Variants in GFPT1 observed in about 807,000 individuals in gnomAD.
GFPT1 encodes glutamine--fructose-6-phosphate transaminase 1, also known as glutamine--fructose-6-phosphate aminotransferase [isomerizing] 1.
GFPT1 carries 40 observed loss-of-function variants against 92.0 expected under a neutral mutation model. The ratio of observed to expected loss-of-function variants is 0.43; its 90% CI spans 0.34 to 0.57. The LOEUF is 0.57. Ranked by LOEUF, GFPT1 falls within the 20% of genes least tolerant of loss-of-function variation. The pLI is 0.02. For missense variants in GFPT1, 448 were observed against 869.1 expected, an observed-to-expected ratio of 0.52 and a Z score of 6.09; for synonymous variants, 269 against 280.6, an observed-to-expected ratio of 0.96 and a Z score of 0.41.
rs1399117836 is a variant in GFPT1, at chr2:69,325,492, T to C, written c.*697A>G. On this transcript the variant is annotated 3_prime_UTR_variant, in exon 20 of 20. Transcript: ENST00000357308. ...TGTCAGTTGTCCAAAGCAGCTTGAATTTAAAGTTTGTGCTATAAAATTGTG... is the reference window on the plus strand; with the variant it reads ...TGTCAGTTGTCCAAAGCAGCTTGAACTTAAAGTTTGTGCTATAAAATTGTG... The C allele has an allele frequency of 6.6e-6, 1 of 152,176 alleles. No individual in the cohort carries two copies. The highest frequency in any genetic ancestry group is 1.5e-5 in the Non-Finnish European group (1 of 68,014). The allele number at this position is 152,176 out of a possible 1,614,324, so 9.4% of individuals were successfully genotyped here.
At chr2:69,339,866 T>C (rs1453868275) in intron 13 of GFPT1, among the ~76,000 whole-genome samples, 2 of 152,100 alleles carry the variant, frequency 1.3e-5, no homozygotes, top group Non-Finnish European at 2.9e-5. Context: ...TTTATTATTC[T>C]TTTCCATTAA....
At chr2:69,327,950 T>G (rs1275000164) in intron 18 of GFPT1, among the ~76,000 whole-genome samples, 1 of 151,794 alleles carries the variant, frequency 6.6e-6, no homozygotes, top group African/African-American at 2.4e-5. Flanking sequence ...AAATACAAAA[T>G]TAGCCAGGCG....
At chr2:69,371,459 C>T (rs2104682918) in intron 2 of GFPT1, 1 of 152,090 alleles carries the variant, frequency 6.6e-6, no homozygotes, top group Non-Finnish European at 1.5e-5. Flanking sequence ...TAGAATACAG[C>T]TTGGGAGATA....
At chr2:69,351,693 C>T (rs889246116) in intron 9 of GFPT1, among the ~76,000 whole-genome samples, 1 of 152,072 alleles carries the variant, frequency 6.6e-6, no homozygotes, top group Non-Finnish European at 1.5e-5. Context: ...GTGATGAAAA[C>T]AAAGTAACTT....
chr2:69,326,808 T>G, intron 19 of GFPT1, 106 bp downstream of exon 19: 1 of 1,069,328 alleles, frequency 9.4e-7, no homozygotes, highest in Non-Finnish European at 1.4e-6. Flanking sequence ...CAGATATATA[T>G]TTGATAGATT....
Position 69,329,651 on chromosome 2 carries a change from C to A in GFPT1, c.1597+33G>T, listed in dbSNP as rs755601118. On this transcript the variant is annotated intron_variant, in intron 16 of 19. Coordinates refer to ENST00000357308, the MANE Select transcript of GFPT1 (RefSeq NM_001244710.2). ...TTTACCTATTACCCACTCCCTTAGACAACAAAAGTGTAATATATGAGTGTC... is the reference window on the plus strand; with the variant it reads ...TTTACCTATTACCCACTCCCTTAGAAAACAAAAGTGTAATATATGAGTGTC... 2.1e-5 allele frequency: 29 copies of A among 1,400,780 alleles called. No homozygotes were observed. The South Asian group carries it at 3.2e-4, about 16-fold the overall frequency. The allele number at this position is 1,400,780 out of a possible 1,614,324, so 86.8% of individuals were successfully genotyped here. A position where few individuals can be genotyped will look rare whatever the true frequency, so the allele number is the denominator to read the frequency against.
intron 18 of GFPT1, 124 bp downstream of exon 18, chr2:69,328,147 C>A: frequency 1.3e-6 from 1 of 767,330 alleles, no homozygotes; most frequent in Non-Finnish European, 2.3e-6. Context: ...ACATGTAAAC[C>A]TCAAAGGCTG....
intron 3 of GFPT1, among the ~76,000 whole-genome samples, chr2:69,367,213 C>T (rs564165361): frequency 6.6e-6 from 1 of 152,214 alleles, no homozygotes; most frequent in East Asian, 1.9e-4. Flanking sequence ...AATGATAGTA[C>T]CGTTTTGTGT....
At chr2:69,327,449 T>A (rs1044109459) in intron 18 of GFPT1, among the ~76,000 whole-genome samples, 2 of 152,104 alleles carry the variant, frequency 1.3e-5, no homozygotes, top group African/African-American at 4.8e-5. Context: ...AAATAAAACC[T>A]AGATGTTAGA....
chr2:69,381,675 T>C (rs1672014359), intron 1 of GFPT1, among the ~76,000 whole-genome samples: 1 of 151,594 alleles, frequency 6.6e-6, no homozygotes, highest in South Asian at 2.1e-4. Context: ...CACCTCAGTC[T>C]TCTAAGTAGA....
intron 7 of GFPT1, among the ~76,000 whole-genome samples, chr2:69,355,763 C>T (rs4473430): frequency 0.65 from 99,085 of 151,986 alleles, 33,585 homozygotes; most frequent in African/African-American, 0.85. Context: ...TATCTTAGGG[C>T]GCCTCACTTA....
intron 2 of GFPT1, among the ~76,000 whole-genome samples, chr2:69,370,853 T>C (rs1052116061): frequency 6.6e-6 from 1 of 151,632 alleles, no homozygotes; most frequent in Non-Finnish European, 1.5e-5. Flanking sequence ...AAAAGGGACA[T>C]AGAAAAACAG....
At position 69,326,011 on chromosome 2, in the gene GFPT1, A is replaced by G. The variant is rs1302368224; in HGVS notation, c.*178T>C. On this transcript the variant is annotated 3_prime_UTR_variant, in exon 20 of 20. Coordinates refer to ENST00000357308, the MANE Select transcript of GFPT1 (RefSeq NM_001244710.2). Reference sequence around the variant, plus strand: ...AAGTCCTCCACAAATTACTGGGAAAATGTAAGAGGTAACTTCACAAAAATC... The same window carrying G: ...AAGTCCTCCACAAATTACTGGGAAAGTGTAAGAGGTAACTTCACAAAAATC... 5 of 568,364 alleles carry G rather than the reference A, an allele frequency of 8.8e-6. No homozygotes were observed. The highest frequency in any genetic ancestry group is 1.6e-5 in the Non-Finnish European group (5 of 321,932). 35.2% of individuals were successfully genotyped at this position (568,364 alleles called of 1,614,324 possible).
At chr2:69,379,908 G>A (rs948752002) in intron 1 of GFPT1, among the ~76,000 whole-genome samples, 1 of 151,502 alleles carries the variant, frequency 6.6e-6, no homozygotes, top group Non-Finnish European at 1.5e-5. Flanking sequence ...TTGTAGAAAT[G>A]AGGTCTTACT....
chr2:69,374,147 G>T (rs748280539), intron 1 of GFPT1, 34 bp from the exon 2 acceptor site: 3 of 1,064,484 alleles, frequency 2.8e-6, no homozygotes, highest in Non-Finnish European at 4.4e-6. Flanking sequence ...GAAAAATTCT[G>T]ATTTAAAAAA....
chr2:69,334,087 C>T (rs750735917), intron 15 of GFPT1, among the ~76,000 whole-genome samples: 5 of 152,020 alleles, frequency 3.3e-5, no homozygotes, highest in African/African-American at 1.2e-4. Flanking sequence ...AACCGGAGGG[C>T]GGAAGTTACA....
In GFPT1 at chr2:69,326,089, A is replaced by C; in HGVS notation, c.*100T>G. ...ATATATAAATAAGGATTTACTAAAA[A>C]AAGGCTTCAAGGGGTGATATTTTAA... On this transcript the variant is annotated 3_prime_UTR_variant, in exon 20 of 20. Transcript: ENST00000357308. 1 of 734,378 alleles carries C rather than the reference A, an allele frequency of 1.4e-6. No individual in the cohort carries two copies. Among genetic ancestry groups the C allele is most frequent in the Non-Finnish European group, 2.4e-6 (1 of 423,214 alleles). The allele number at this position is 734,378 out of a possible 1,614,324, so 45.5% of individuals were successfully genotyped here. A position where few individuals can be genotyped will look rare whatever the true frequency, so the allele number is the denominator to read the frequency against.
At chr2:69,349,905 A>G (rs1671166676) in intron 10 of GFPT1, among the ~76,000 whole-genome samples, 173 bp downstream of exon 10, 1 of 152,242 alleles carries the variant, frequency 6.6e-6, no homozygotes, top group Admixed American at 6.5e-5. Context: ...ATACTTTGAA[A>G]TGACAGAAAA....
chr2:69,375,903 C>T (rs1377399632), intron 1 of GFPT1, among the ~76,000 whole-genome samples: 2 of 152,210 alleles, frequency 1.3e-5, no homozygotes, highest in African/African-American at 4.8e-5. Context: ...CAGCAATGTG[C>T]AGCTTCCAAC....
Sources: gnomAD v4.1 joint callset for allele counts (sites outside exome capture counted in the v4.1 genomes callset) on GRCh38, gnomAD v4.1.1 for gene constraint, MANE v1.5 for transcripts, NCBI Gene and HGNC (gene_info 2026-07-23, HGNC 2026-07-21) for gene names.